The following NTM variants were observed in gnomAD, a reference collection of about 807,000 sequenced individuals.
NTM encodes neurotrimin.
In NTM, 13 loss-of-function variants were observed where a neutral mutation model predicts 42.1. The observed-to-expected ratio is 0.31, with a 90% CI of 0.20 to 0.49. The LOEUF (loss-of-function observed/expected upper bound fraction) is 0.49. NTM is among the 20% of genes least tolerant of loss of function. The pLI is 0.99. For missense variants in NTM, 373 were observed against 452.8 expected, an observed-to-expected ratio of 0.82 and a Z score of 1.60; for synonymous variants, 187 against 179.2, an observed-to-expected ratio of 1.04 and a Z score of -0.35.
At chr11:131,502,500 AG>A (rs1247979809) in intron 1 of NTM, among the ~76,000 whole-genome samples, 1 of 152,124 alleles carries the variant, frequency 6.6e-6, no homozygotes, top group African/African-American at 2.4e-5. Flanking sequence ...GGCTGAGGGG[AG>A]GCAGGAGCTG....
chr11:132,143,038 A>G (rs564727676), intron 2 of NTM, among the ~76,000 whole-genome samples: 66 of 152,290 alleles, frequency 4.3e-4, no homozygotes, highest in Admixed American at 1.3e-3. Flanking sequence ...CTCACCTGGT[A>G]CTTGTCAGAT....
At chr11:131,690,835 G>C (rs1004590076) in intron 1 of NTM, among the ~76,000 whole-genome samples, 3 of 152,220 alleles carry the variant, frequency 2.0e-5, no homozygotes, top group Admixed American at 6.5e-5. Flanking sequence ...GGGTGAAGAC[G>C]GGGCTCAGAA....
intron 1 of NTM, among the ~76,000 whole-genome samples, chr11:131,531,869 G>A (rs1433693081): frequency 1.3e-5 from 2 of 152,174 alleles, no homozygotes; most frequent in Non-Finnish European, 2.9e-5. Flanking sequence ...ATAGGGAACG[G>A]CATTTCAGAC....
intron 1 of NTM, among the ~76,000 whole-genome samples, chr11:131,622,972 AAAAGAG>A (rs1173778422): frequency 1.3e-5 from 2 of 152,220 alleles, no homozygotes; most frequent in African/African-American, 4.8e-5. Flanking sequence ...ATAAAACAGA[AAAAGAG>A]AAAGAGGAAG....
chr11:132,037,258 T>G (rs1192836717), intron 2 of NTM, among the ~76,000 whole-genome samples: 1 of 152,044 alleles, frequency 6.6e-6, no homozygotes, highest in Non-Finnish European at 1.5e-5. Context: ...GGGGGAGCCC[T>G]TCTCTCTCTT....
At chr11:131,737,834 A>C (rs953080880) in intron 1 of NTM, among the ~76,000 whole-genome samples, 9 of 152,262 alleles carry the variant, frequency 5.9e-5, no homozygotes, top group African/African-American at 2.2e-4. Flanking sequence ...AATGCCCAGT[A>C]CAAGGTTGAC....
intron 1 of NTM, among the ~76,000 whole-genome samples, chr11:131,884,604 C>T (rs2050083275): frequency 6.6e-6 from 1 of 152,140 alleles, no homozygotes; most frequent in South Asian, 2.1e-4. Context: ...ACCACTATGA[C>T]ATTCCACAAA....
At chr11:131,942,242 T>C (rs2059874617) in intron 2 of NTM, among the ~76,000 whole-genome samples, 1 of 152,198 alleles carries the variant, frequency 6.6e-6, no homozygotes, top group Non-Finnish European at 1.5e-5. Context: ...CCTAAATCCC[T>C]GCAAACTAAC....
intron 7 of NTM, chr11:132,317,568 A>AACT: frequency 1.4e-6 from 1 of 733,204 alleles, no homozygotes; most frequent in Non-Finnish European, 2.0e-6. Flanking sequence ...GCAGTATACA[A>AACT]ACTATATATG....
At chr11:131,727,850 CCT>C (rs1456969602) in intron 1 of NTM, among the ~76,000 whole-genome samples, 4 of 152,256 alleles carry the variant, frequency 2.6e-5, no homozygotes, top group South Asian at 2.1e-4. Flanking sequence ...GCAAGAAATC[CCT>C]CTGTCTTCTG....
At chr11:131,732,450 C>T (rs1296003037) in intron 1 of NTM, among the ~76,000 whole-genome samples, 3 of 152,186 alleles carry the variant, frequency 2.0e-5, no homozygotes, top group South Asian at 2.1e-4. Context: ...TTCTCAGCCT[C>T]ATTGGAGTTG....
At chr11:131,774,362 C>T (rs2086626545) in intron 1 of NTM, among the ~76,000 whole-genome samples, 1 of 152,130 alleles carries the variant, frequency 6.6e-6, no homozygotes, top group Admixed American at 6.5e-5. Context: ...CACAGTAATC[C>T]TTGACTTTTC....
intron 1 of NTM, among the ~76,000 whole-genome samples, chr11:131,808,325 C>T (rs1056178914): frequency 6.6e-6 from 1 of 152,168 alleles, no homozygotes. Context: ...GGCTGGGATT[C>T]TCTTTGTATT....
At chr11:132,305,891 C>T (rs1230065757) in intron 4 of NTM, among the ~76,000 whole-genome samples, 1 of 152,168 alleles carries the variant, frequency 6.6e-6, no homozygotes, top group Non-Finnish European at 1.5e-5. Flanking sequence ...GCTGTGTTTT[C>T]TACTTATGAA....
chr11:132,270,880 C>T (rs973046540), intron 4 of NTM, among the ~76,000 whole-genome samples: 4 of 152,122 alleles, frequency 2.6e-5, no homozygotes, highest in East Asian at 1.9e-4. Context: ...TGAATAAATG[C>T]AGTTGTTAGC....
At chr11:132,326,352 G>C (rs1203575754) in intron 7 of NTM, among the ~76,000 whole-genome samples, 3 of 152,094 alleles carry the variant, frequency 2.0e-5, no homozygotes, top group Non-Finnish European at 2.9e-5. Context: ...TTTTTAACAA[G>C]AGAGTATTTA....
chr11:132,303,039 G>A (rs2094924780), intron 4 of NTM, among the ~76,000 whole-genome samples: 1 of 152,182 alleles, frequency 6.6e-6, no homozygotes, highest in Non-Finnish European at 1.5e-5. Context: ...TGTACTAGCA[G>A]AGCAACTATG....
chr11:131,500,578 T>TACATATATATATATATATATA (rs1491209927), intron 1 of NTM, among the ~76,000 whole-genome samples: 1 of 1,550 alleles, frequency 6.5e-4, no homozygotes, highest in Non-Finnish European at 1.3e-3. Flanking sequence ...TATATATATA[T>TACATATATATATATATATATA]TTTTTTTTTT....
intron 1 of NTM, among the ~76,000 whole-genome samples, chr11:131,508,690 G>C (rs371218734): frequency 1.3e-5 from 2 of 150,638 alleles, no homozygotes; most frequent in African/African-American, 4.9e-5. Context: ...ATACACCATG[G>C]AATACTATGC....
Sources: gnomAD v4.1 joint callset for allele counts (sites outside exome capture counted in the v4.1 genomes callset) on GRCh38, gnomAD v4.1.1 for gene constraint, MANE v1.5 for transcripts, NCBI Gene and HGNC (gene_info 2026-07-23, HGNC 2026-07-21) for gene names.